Variants in NLGN4X observed in about 807,000 individuals in gnomAD.
NLGN4X encodes neuroligin-4, X-linked.
A neutral mutation model predicts 40.3 loss-of-function variants in NLGN4X; 3 were observed. The ratio of observed to expected loss-of-function variants is 0.07; its 90% CI spans 0.03 to 0.19. The LOEUF is 0.19. NLGN4X is among the 10% of genes least tolerant of loss of function. The pLI, the probability that NLGN4X is intolerant of heterozygous loss-of-function variation, is 1.00. For synonymous variants in NLGN4X, 270 were observed against 306.8 expected (o/e 0.88, Z 1.25); for missense variants, 382 against 708.3 (o/e 0.54, Z 5.23).
chrX:6,214,927 G>C (rs7880861), intron 1 of NLGN4X, among the ~76,000 whole-genome samples: 1,512 of 111,566 alleles, frequency 0.014, 27 homozygotes, highest in African/African-American at 0.047. Flanking sequence ...TAAAAACAGG[G>C]AATGGGAGCG....
intron 1 of NLGN4X, among the ~76,000 whole-genome samples, chrX:6,204,288 G>C (rs190244506): frequency 8.9e-6 from 1 of 111,972 alleles, no homozygotes; most frequent in Non-Finnish European, 1.9e-5. Context: ...AGTTGCTGTA[G>C]TGTTTTGAAT....
At chrX:6,082,948 G>GTTTTT (rs930625574) in intron 2 of NLGN4X, among the ~76,000 whole-genome samples, 1,168 of 70,252 alleles carry the variant, frequency 0.017, 120 homozygotes, top group Non-Finnish European at 0.024. Context: ...GCCATGATGC[G>GTTTTT]TTTTTTTCTT....
intron 2 of NLGN4X, among the ~76,000 whole-genome samples, chrX:6,122,857 A>G (rs2039455902): frequency 1.9e-5 from 2 of 107,394 alleles, no homozygotes; most frequent in South Asian, 8.5e-4. Context: ...CACAAAGAAC[A>G]GACTGAAATG....
In NLGN4X at chrX:5,946,465, C is replaced by T. The variant is rs751178033; in HGVS notation, c.626-37226G>A. On this transcript the variant is annotated intron_variant, in intron 3 of 5. Transcript: ENST00000381095. ...CTAAAGGAAAAATAAGAGAATATGGCACCATTTTATGTAGAGAATCAAATT... is the reference window on the plus strand; with the variant it reads ...CTAAAGGAAAAATAAGAGAATATGGTACCATTTTATGTAGAGAATCAAATT... 4.5e-5 allele frequency among the ~76,000 whole-genome samples: 5 copies of T among 111,160 alleles called. No homozygotes were observed. In the South Asian group the frequency reaches 1.9e-3, roughly 42 times the overall value.
At chrX:5,994,125 G>A (rs2035756984) in intron 3 of NLGN4X, among the ~76,000 whole-genome samples, 1 of 111,697 alleles carries the variant, frequency 9.0e-6, no homozygotes, top group Non-Finnish European at 1.9e-5. Flanking sequence ...GCTTTCCCAG[G>A]AAAGGAAAGT....
intron 2 of NLGN4X, among the ~76,000 whole-genome samples, chrX:6,112,310 C>T (rs2039167118): frequency 9.0e-6 from 1 of 111,175 alleles, no homozygotes; most frequent in Non-Finnish European, 1.9e-5. Flanking sequence ...AAAGTAAAAA[C>T]AGGGATTTTC....
intron 2 of NLGN4X, among the ~76,000 whole-genome samples, chrX:6,074,258 C>A (rs1466363259): frequency 9.0e-6 from 1 of 111,152 alleles, no homozygotes; most frequent in Non-Finnish European, 1.9e-5. Context: ...GAAGTCCCAG[C>A]CTTCACAGCA....
intron 3 of NLGN4X, among the ~76,000 whole-genome samples, chrX:5,966,122 TTTC>T (rs773149305): frequency 8.9e-6 from 1 of 112,084 alleles, no homozygotes; most frequent in Admixed American, 9.5e-5. Context: ...GCTTTGAAAT[TTTC>T]TTTACAGTCA....
At chrX:6,128,703 C>G (rs2039614525) in intron 2 of NLGN4X, among the ~76,000 whole-genome samples, 1 of 112,331 alleles carries the variant, frequency 8.9e-6, no homozygotes, top group Non-Finnish European at 1.9e-5. Flanking sequence ...GGTTGAAAAA[C>G]TACCTGTTGG....
In NLGN4X at chrX:6,061,447, T is replaced by C. The variant is rs189478930; in HGVS notation, c.473-32015A>G. Among the ~76,000 whole-genome samples, 3 of 111,622 alleles carry C rather than the reference T, an allele frequency of 2.7e-5. No homozygotes were observed. In the East Asian group the frequency reaches 8.5e-4, roughly 31 times the overall value. The stretch of plus-strand genomic sequence containing the variant: ...CATCTTAAAAAAAAAAGTGTGTCTA[T>C]ATTGTTCCTTTTCTGAAAATATCCT... On this transcript the variant is annotated intron_variant, in intron 2 of 5. Coordinates refer to ENST00000381095, the MANE Select transcript of NLGN4X (RefSeq NM_181332.3).
At chrX:5,895,394 T>C (rs1162446487) in intron 5 of NLGN4X, among the ~76,000 whole-genome samples, 2 of 111,200 alleles carry the variant, frequency 1.8e-5, no homozygotes, top group Middle Eastern at 4.2e-3. Context: ...ATATAAAAAA[T>C]AGAACACCTA....
chrX:5,912,339 C>G (rs766534185), intron 3 of NLGN4X, among the ~76,000 whole-genome samples: 1 of 111,400 alleles, frequency 9.0e-6, no homozygotes, highest in East Asian at 2.8e-4. Context: ...TCATTGCATC[C>G]TCAACCAATC....
At chrX:5,926,259 C>T (rs760378737) in intron 3 of NLGN4X, among the ~76,000 whole-genome samples, 1 of 109,379 alleles carries the variant, frequency 9.1e-6, no homozygotes, top group South Asian at 4.1e-4. Flanking sequence ...TGAGGCCTCC[C>T]CAGCCATGTG....
At chrX:6,063,910 G>A (rs935412558) in intron 2 of NLGN4X, among the ~76,000 whole-genome samples, 4 of 111,995 alleles carry the variant, frequency 3.6e-5, no homozygotes, top group African/African-American at 9.7e-5. Context: ...TAACTCACAT[G>A]GTTTCTTCCA....
At chrX:6,193,204 G>A (rs1407062375) in intron 1 of NLGN4X, among the ~76,000 whole-genome samples, 1 of 110,858 alleles carries the variant, frequency 9.0e-6, no homozygotes, top group African/African-American at 3.3e-5. Flanking sequence ...GGCGGATCAC[G>A]AGGTCAGGAG....
intron 2 of NLGN4X, among the ~76,000 whole-genome samples, chrX:6,070,486 G>A (rs954421920): frequency 9.0e-6 from 1 of 111,665 alleles, no homozygotes; most frequent in Non-Finnish European, 1.9e-5. Flanking sequence ...GATCATGCCT[G>A]TAATCCCAAC....
intron 3 of NLGN4X, among the ~76,000 whole-genome samples, chrX:5,973,372 C>T (rs1185095856): frequency 2.7e-5 from 3 of 112,747 alleles, no homozygotes; most frequent in African/African-American, 9.7e-5. Flanking sequence ...ACAGGAGTTT[C>T]ACTGACCTGA....
chrX:5,987,480 G>A (rs2035561639), intron 3 of NLGN4X, among the ~76,000 whole-genome samples: 1 of 112,600 alleles, frequency 8.9e-6, no homozygotes, highest in African/African-American at 3.2e-5. Flanking sequence ...ACATTGCATG[G>A]AGCATTGATA....
At chrX:5,970,996 C>T in intron 3 of NLGN4X, among the ~76,000 whole-genome samples, 1 of 111,590 alleles carries the variant, frequency 9.0e-6, no homozygotes, top group Non-Finnish European at 1.9e-5. Flanking sequence ...GTTTAAACTC[C>T]TTCAGTAACA....
Sources: gnomAD v4.1 joint callset for allele counts (sites outside exome capture counted in the v4.1 genomes callset) on GRCh38, gnomAD v4.1.1 for gene constraint, MANE v1.5 for transcripts, NCBI Gene and HGNC (gene_info 2026-07-23, HGNC 2026-07-21) for gene names.